TMED3: variants seen among roughly 807,000 people sequenced by gnomAD.
TMED3 encodes transmembrane p24 trafficking protein 3.
A neutral mutation model predicts 15.0 loss-of-function variants in TMED3; 9 were observed. The ratio of observed to expected loss-of-function variants is 0.60; its 90% CI spans 0.36 to 1.04. The LOEUF (loss-of-function observed/expected upper bound fraction) is 1.04, where lower values mean the gene tolerates loss of function less well. Among genes scored for constraint, TMED3 ranks in the 50% least tolerant of loss-of-function variants. TMED3 has a pLI of 0.01. For synonymous variants in TMED3, 117 were observed against 121.4 expected (o/e 0.96, Z 0.24); for missense variants, 267 against 278.9 (o/e 0.96, Z 0.30).
At chr15:79,376,819 A>G (rs569561365) in intron 2 of TMED3, among the ~76,000 whole-genome samples, 1 of 152,274 alleles carries the variant, frequency 6.6e-6, no homozygotes, top group South Asian at 2.1e-4. Context: ...CCTTCCTGGA[A>G]TCATCTAGCT....
intron 2 of TMED3, among the ~76,000 whole-genome samples, chr15:79,402,151 G>A (rs974464924): frequency 1.3e-5 from 2 of 152,186 alleles, no homozygotes; most frequent in Admixed American, 1.3e-4. Flanking sequence ...GGAGGTGGTC[G>A]CTGCTGAGGA....
chr15:79,411,693 C>G (rs923651025), exon 3 of TMED3: 4 of 545,480 alleles, frequency 7.3e-6, no homozygotes, highest in Non-Finnish European at 1.3e-5. Flanking sequence ...CTCTGGAATC[C>G]CGGCAGGAGG....
chr15:79,341,700 C>T (rs891766374), intron 2 of TMED3, among the ~76,000 whole-genome samples: 2 of 152,222 alleles, frequency 1.3e-5, no homozygotes, highest in African/African-American at 2.4e-5. Context: ...AGTGTGGGCT[C>T]ATCCCCAAGC....
intron 2 of TMED3, among the ~76,000 whole-genome samples, chr15:79,390,780 G>A (rs73475535): frequency 0.033 from 5,055 of 151,966 alleles, 268 homozygotes; most frequent in African/African-American, 0.11. Flanking sequence ...GGTCTGTTCA[G>A]GGTATCTATT....
At chr15:79,325,665 C>G (rs1464771368), downstream of TMED3, among the ~76,000 whole-genome samples, 2 of 152,110 alleles carry the variant, frequency 1.3e-5, no homozygotes, top group African/African-American at 4.8e-5. Context: ...CCAGTAGAGG[C>G]TCAGTCCGAG....
At chr15:79,379,845 A>G (rs1567036427) in intron 2 of TMED3, among the ~76,000 whole-genome samples, 1 of 152,220 alleles carries the variant, frequency 6.6e-6, no homozygotes, top group Non-Finnish European at 1.5e-5. Context: ...AATATTAAAC[A>G]TTTTATAAGC....
At chr15:79,325,231 G>A (rs749825856), downstream of TMED3, among the ~76,000 whole-genome samples, 3 of 152,164 alleles carry the variant, frequency 2.0e-5, no homozygotes, top group Non-Finnish European at 4.4e-5. Context: ...GAGCTTCTGC[G>A]ATGAGATTCC....
downstream of TMED3, among the ~76,000 whole-genome samples, chr15:79,324,619 A>G (rs2058780892): frequency 6.6e-6 from 1 of 152,252 alleles, no homozygotes; most frequent in African/African-American, 2.4e-5. Context: ...CCTTGTAACT[A>G]TTTAAATTCA....
At chr15:79,358,414 A>G (rs2135891) in intron 2 of TMED3, among the ~76,000 whole-genome samples, 39,886 of 152,220 alleles carry the variant, frequency 0.26, 6,189 homozygotes, top group Middle Eastern at 0.42. Flanking sequence ...CAAATGGTTC[A>G]GGGATGCTGC....
chr15:79,371,495 T>C (rs1354919319), intron 2 of TMED3, among the ~76,000 whole-genome samples: 1 of 152,208 alleles, frequency 6.6e-6, no homozygotes, highest in Non-Finnish European at 1.5e-5. Flanking sequence ...ATAATTGCTC[T>C]CTAGCCAAGT....
At chr15:79,322,896 A>T (rs542732928), downstream of TMED3, 2 of 985,396 alleles carry the variant, frequency 2.0e-6, no homozygotes, top group East Asian at 1.1e-4. Context: ...CTTACTGCAG[A>T]GCATGGGTGT....
rs183231615 is a variant in TMED3 at position 79,408,649 on chromosome 15, G to T, written c.418-2751G>T. On this transcript the variant is annotated intron_variant, in intron 2 of 2. Coordinates refer to the TMED3 transcript ENST00000424155. ...AACTCAGAGAGAATGGCCCCTGGAA[G>T]CCAGAAACCCAGGGTCCAGATCTGG... Among the ~76,000 whole-genome samples the T allele has an allele frequency of 7.5e-3, 1,137 of 152,194 alleles. 5 individuals are homozygous for T. Among genetic ancestry groups the T allele is most frequent in the Non-Finnish European group, 0.012 (786 of 68,018 alleles).
At chr15:79,390,850 G>C (rs59922869) in intron 2 of TMED3, among the ~76,000 whole-genome samples, 1 of 151,790 alleles carries the variant, frequency 6.6e-6, no homozygotes, top group Non-Finnish European at 1.5e-5. Context: ...TCTCTTCTAG[G>C]TTTTCTAGTT....
chr15:79,345,710 C>T (rs530956510), intron 2 of TMED3, among the ~76,000 whole-genome samples: 59 of 152,252 alleles, frequency 3.9e-4, no homozygotes, highest in African/African-American at 1.3e-3. Context: ...GCTTATAGGT[C>T]TTTGAGGAAT....
chr15:79,370,436 C>T (rs1893317408), intron 2 of TMED3, among the ~76,000 whole-genome samples: 1 of 152,114 alleles, frequency 6.6e-6, no homozygotes, highest in Non-Finnish European at 1.5e-5. Context: ...GTAGGGGTTC[C>T]ATCAGCCCCA....
intron 2 of TMED3, among the ~76,000 whole-genome samples, chr15:79,348,901 G>A (rs1206900789): frequency 6.6e-6 from 1 of 152,142 alleles, no homozygotes; most frequent in Admixed American, 6.5e-5. Flanking sequence ...GTGCTATCAT[G>A]GCTTATTGAA....
chr15:79,331,542 C>CAAAAAAAAAAAAAAAAAAAGAAAAA (rs2058808849), intron 2 of TMED3, among the ~76,000 whole-genome samples: 1 of 89,288 alleles, frequency 1.1e-5, no homozygotes, highest in Non-Finnish European at 2.1e-5. Context: ...GCAAAAGAAG[C>CAAAAAAAAAAAAAAAAAAAGAAAAA]AAAAAAAAAA....
At chr15:79,367,677 G>A (rs1426167153) in intron 2 of TMED3, among the ~76,000 whole-genome samples, 1 of 152,228 alleles carries the variant, frequency 6.6e-6, no homozygotes, top group Non-Finnish European at 1.5e-5. Flanking sequence ...AGCAAAGGCT[G>A]TTGGACAACC....
At chr15:79,383,075 C>G in intron 2 of TMED3, 1 of 1,508,398 alleles carries the variant, frequency 6.6e-7, no homozygotes, top group Non-Finnish European at 8.9e-7. Flanking sequence ...GCATGCTCCA[C>G]GGGACATGGC....
Sources: gnomAD v4.1 joint callset for allele counts (sites outside exome capture counted in the v4.1 genomes callset) on GRCh38, gnomAD v4.1.1 for gene constraint, MANE v1.5 for transcripts, NCBI Gene and HGNC (gene_info 2026-07-23, HGNC 2026-07-21) for gene names.